KCTD16: variants seen among roughly 807,000 people sequenced by gnomAD.
KCTD16 encodes BTB/POZ domain-containing protein KCTD16.
Under a neutral mutation model 33.2 loss-of-function variants are expected in KCTD16, and 13 were observed. The observed-to-expected ratio is 0.39, with a 90% CI of 0.25 to 0.62. The LOEUF is 0.62. Among genes scored for constraint, KCTD16 ranks in the 20% least tolerant of loss-of-function variants. KCTD16 has a pLI of 0.50. For synonymous variants in KCTD16, 197 were observed against 195.3 expected, an observed-to-expected ratio of 1.01 and a Z score of -0.07; for missense variants, 441 against 525.1, an observed-to-expected ratio of 0.84 and a Z score of 1.57.
chr5:144,261,167 C>CAAAAAAAAAAAAAAA (rs1299878040), intron 3 of KCTD16, among the ~76,000 whole-genome samples: 93 of 77,874 alleles, frequency 1.2e-3, no homozygotes, highest in African/African-American at 2.0e-3. Flanking sequence ...GGAACAACAA[C>CAAAAAAAAAAAAAAA]AAAAAAAAAA....
chr5:144,435,374 C>G (rs1561606819), intron 3 of KCTD16, among the ~76,000 whole-genome samples: 1 of 152,078 alleles, frequency 6.6e-6, no homozygotes, highest in Non-Finnish European at 1.5e-5. Context: ...TTAAATCTAT[C>G]TACTATATTA....
chr5:144,275,388 A>T (rs1421801404), intron 3 of KCTD16, among the ~76,000 whole-genome samples: 1 of 152,122 alleles, frequency 6.6e-6, no homozygotes, highest in African/African-American at 2.4e-5. Flanking sequence ...CTCCCATGTC[A>T]TGTTGCCTGA....
At position 144,476,375 on chromosome 5, in the gene KCTD16, T is replaced by C. The variant is rs904993886; in HGVS notation, c.*2261T>C. The C allele has an allele frequency of 6.6e-6, 1 of 152,172 alleles. No individual in the cohort carries two copies. The highest frequency in any genetic ancestry group is 2.4e-5 in the African/African-American group (1 of 41,460). The allele number at this position is 152,172 out of a possible 1,614,324, so 9.4% of individuals were successfully genotyped here. ...TTATAAGAGTAAAGAATTAAGATGATAGTCAACCCAATATTTCTACTACAT... is the reference window on the plus strand; with the variant it reads ...TTATAAGAGTAAAGAATTAAGATGACAGTCAACCCAATATTTCTACTACAT... On this transcript the variant is annotated 3_prime_UTR_variant, in exon 4 of 4. Transcript: ENST00000512467.
intron 3 of KCTD16, among the ~76,000 whole-genome samples, chr5:144,408,988 A>G (rs1167558519): frequency 6.6e-6 from 1 of 152,184 alleles, no homozygotes; most frequent in Non-Finnish European, 1.5e-5. Flanking sequence ...CTCACTTATT[A>G]CCAGTCTATT....
chr5:144,299,098 A>T (rs7713840), intron 3 of KCTD16, among the ~76,000 whole-genome samples: 1 of 9,056 alleles, frequency 1.1e-4, no homozygotes, highest in Non-Finnish European at 2.3e-4. Flanking sequence ...ATCACTATGT[A>T]TATATATATA....
chr5:144,194,486 C>G (rs939097302), intron 2 of KCTD16, among the ~76,000 whole-genome samples: 12 of 152,222 alleles, frequency 7.9e-5, no homozygotes, highest in African/African-American at 2.9e-4. Flanking sequence ...AGTGATGTGG[C>G]TCTACCCTGA....
intron 2 of KCTD16, among the ~76,000 whole-genome samples, chr5:144,185,882 A>G (rs918169721): frequency 2.0e-5 from 3 of 152,202 alleles, no homozygotes; most frequent in African/African-American, 7.2e-5. Context: ...TATTGGCTCA[A>G]TTAATCCTCA....
chr5:144,338,496 A>G (rs1271451793), intron 3 of KCTD16, among the ~76,000 whole-genome samples: 1 of 152,204 alleles, frequency 6.6e-6, no homozygotes, highest in Non-Finnish European at 1.5e-5. Context: ...TAGACATTCA[A>G]TATGCTATAA....
chr5:144,324,372 T>C (rs1402053859), intron 3 of KCTD16, among the ~76,000 whole-genome samples: 1 of 152,108 alleles, frequency 6.6e-6, no homozygotes, highest in African/African-American at 2.4e-5. Context: ...TCTTTGTCTG[T>C]GAGATACCAT....
At chr5:144,377,953 G>A (rs981455005) in intron 3 of KCTD16, 1 of 152,204 alleles carries the variant, frequency 6.6e-6, no homozygotes, top group Admixed American at 6.5e-5. Flanking sequence ...GTAAGGGAAA[G>A]CATGAATGTA....
intron 3 of KCTD16, among the ~76,000 whole-genome samples, chr5:144,384,597 C>T (rs1210834827): frequency 1.3e-5 from 2 of 152,014 alleles, no homozygotes; most frequent in Non-Finnish European, 2.9e-5. Context: ...TATTTTGCTA[C>T]CATTTTAAAA....
chr5:144,278,486 T>TTC (rs1491502028), intron 3 of KCTD16, among the ~76,000 whole-genome samples: 1 of 64,988 alleles, frequency 1.5e-5, no homozygotes, highest in Admixed American at 1.6e-4. Flanking sequence ...GTTAGTCTTC[T>TTC]TTTTTTTTTT....
intron 3 of KCTD16, among the ~76,000 whole-genome samples, chr5:144,254,007 G>T (rs1166895465): frequency 6.6e-6 from 1 of 152,220 alleles, no homozygotes; most frequent in African/African-American, 2.4e-5. Context: ...ACTTGGGAAA[G>T]AAGTAGGCAG....
chr5:144,402,866 C>T (rs1455086681), intron 3 of KCTD16, among the ~76,000 whole-genome samples: 1 of 152,200 alleles, frequency 6.6e-6, no homozygotes, highest in African/African-American at 2.4e-5. Flanking sequence ...CTACAGTCCA[C>T]AAATTTATTC....
chr5:144,455,728 A>T (rs904200237), intron 3 of KCTD16, among the ~76,000 whole-genome samples: 5 of 152,220 alleles, frequency 3.3e-5, no homozygotes, highest in African/African-American at 1.2e-4. Flanking sequence ...TGCCAAGTTT[A>T]GAGAGGGCAT....
At chr5:144,279,050 G>C (rs1755529763) in intron 3 of KCTD16, among the ~76,000 whole-genome samples, 1 of 152,068 alleles carries the variant, frequency 6.6e-6, no homozygotes, top group Non-Finnish European at 1.5e-5. Flanking sequence ...TTATCCCTAA[G>C]CATTTCATTT....
chr5:144,321,341 C>T (rs1308902739), intron 3 of KCTD16, among the ~76,000 whole-genome samples: 1 of 152,128 alleles, frequency 6.6e-6, no homozygotes, highest in Non-Finnish European at 1.5e-5. Context: ...AGTCTCCATT[C>T]TGCAGCATGA....
chr5:144,317,552 A>G (rs1269054396), intron 3 of KCTD16, among the ~76,000 whole-genome samples: 1 of 152,226 alleles, frequency 6.6e-6, no homozygotes, highest in East Asian at 1.9e-4. Flanking sequence ...ATAAGGTGCC[A>G]TATAAGCTGG....
At chr5:144,393,690 A>G (rs1752501337) in intron 3 of KCTD16, among the ~76,000 whole-genome samples, 1 of 152,158 alleles carries the variant, frequency 6.6e-6, no homozygotes, top group Non-Finnish European at 1.5e-5. Flanking sequence ...AGTAGGCTAT[A>G]TATTTAAAGC....
Sources: allele counts gnomAD v4.1 joint callset (sites outside exome capture counted in the v4.1 genomes callset), GRCh38; gene constraint gnomAD v4.1.1; transcripts MANE v1.5; gene names NCBI Gene and HGNC (gene_info 2026-07-23, HGNC 2026-07-21).